Variants in AKAP6 observed in about 807,000 individuals in gnomAD.
AKAP6 encodes the protein A-kinase anchor protein 6.
Under a neutral mutation model 188.5 loss-of-function variants are expected in AKAP6, and 58 were observed. The observed-to-expected ratio is 0.31, with a 90% CI of 0.25 to 0.38. The LOEUF (loss-of-function observed/expected upper bound fraction) is 0.38, where lower values mean the gene tolerates loss of function less well. Ranked by LOEUF, AKAP6 falls within the 10% of genes least tolerant of loss-of-function variation. The pLI, the probability that AKAP6 is intolerant of heterozygous loss-of-function variation, is 1.00. For synonymous variants in AKAP6, 989 were observed against 998.6 expected (o/e 0.99, Z 0.18); for missense variants, 2,710 against 2,740.0 (o/e 0.99, Z 0.24).
chr14:32,361,064 A>G (rs993328064), intron 1 of AKAP6, among the ~76,000 whole-genome samples: 1 of 149,548 alleles, frequency 6.7e-6, no homozygotes, highest in African/African-American at 2.4e-5. Context: ...ATACATATAT[A>G]TATATATTTG....
At chr14:32,510,394 G>A (rs1405480187) in intron 2 of AKAP6, among the ~76,000 whole-genome samples, 18 of 63,294 alleles carry the variant, frequency 2.8e-4, no homozygotes, top group African/African-American at 8.6e-4. Flanking sequence ...ATATATATGT[G>A]TATATATATG....
chr14:32,616,711 G>A (rs930610488), intron 7 of AKAP6, among the ~76,000 whole-genome samples: 1 of 152,108 alleles, frequency 6.6e-6, no homozygotes. Flanking sequence ...AGGTTTACCT[G>A]TATAACAAAC....
chr14:32,574,093 A>T (rs1378696989), intron 4 of AKAP6, among the ~76,000 whole-genome samples: 1 of 152,164 alleles, frequency 6.6e-6, no homozygotes, highest in African/African-American at 2.4e-5. Flanking sequence ...CTACACATAG[A>T]AGCAGGAAGG....
chr14:32,590,467 TAAAC>T (rs907819205), intron 5 of AKAP6, among the ~76,000 whole-genome samples: 4 of 152,034 alleles, frequency 2.6e-5, no homozygotes, highest in African/African-American at 7.2e-5. Flanking sequence ...AAAACAAAAC[TAAAC>T]AAACAAACAA....
chr14:32,592,420 C>T (rs1409721293), intron 5 of AKAP6, among the ~76,000 whole-genome samples: 2 of 152,166 alleles, frequency 1.3e-5, no homozygotes, highest in Non-Finnish European at 2.9e-5. Flanking sequence ...GAGAAGGTCA[C>T]ACCTGAGATT....
At position 32,831,735 on chromosome 14, in the gene AKAP6, G is replaced by A. The variant is rs893720326; in HGVS notation, c.*1930G>A. 9.2e-5 allele frequency: 14 copies of A among 152,222 alleles called. No homozygotes were observed. The highest frequency in any genetic ancestry group is 8.5e-4 in the Admixed American group (13 of 15,270). 9.4% of individuals were successfully genotyped at this position (152,222 alleles called of 1,614,324 possible). A position where few individuals can be genotyped will look rare whatever the true frequency, so the allele number is the denominator to read the frequency against. ...ATGAGAGAAGCAGCAGTGGGTACAA[G>A]GAGGAAGAAAAAGGGCTTGCAGAGA... On this transcript the variant is annotated 3_prime_UTR_variant, in exon 14 of 14. Transcript: ENST00000280979.
chr14:32,362,336 A>G (rs1363736594), intron 1 of AKAP6, among the ~76,000 whole-genome samples: 1 of 152,190 alleles, frequency 6.6e-6, no homozygotes. Flanking sequence ...CAGTAAGTTT[A>G]CAGTACTGTT....
chr14:32,699,346 AG>A (rs1355401316), intron 9 of AKAP6, among the ~76,000 whole-genome samples: 2 of 152,248 alleles, frequency 1.3e-5, no homozygotes, highest in Non-Finnish European at 2.9e-5. Context: ...AAAATACACA[AG>A]GAATTTATAA....
chr14:32,523,924 G>GATTGCTTC (rs1469593650), intron 2 of AKAP6, among the ~76,000 whole-genome samples: 1 of 152,116 alleles, frequency 6.6e-6, no homozygotes, highest in Non-Finnish European at 1.5e-5. Context: ...TGGCAGGCTG[G>GATTGCTTC]ATTGCTTCAT....
chr14:32,426,124 G>A (rs1405302828), intron 1 of AKAP6, among the ~76,000 whole-genome samples: 1 of 152,094 alleles, frequency 6.6e-6, no homozygotes, highest in Non-Finnish European at 1.5e-5. Flanking sequence ...ATTTTTATAA[G>A]CCATCTGAAA....
intron 1 of AKAP6, among the ~76,000 whole-genome samples, chr14:32,410,650 T>G (rs569692947): frequency 6.6e-6 from 1 of 152,298 alleles, no homozygotes; most frequent in South Asian, 2.1e-4. Context: ...GACTTTTTTT[T>G]AAAGATTATT....
At position 32,531,109 on chromosome 14, in the gene AKAP6, T is replaced by C. The variant is rs370941375; in HGVS notation, c.325-4445T>C. ...GGTAACATAATGTATTCAATACATTTTGGTCTGTGAGTACTGCATGCCATG... is the reference window on the plus strand; with the variant it reads ...GGTAACATAATGTATTCAATACATTCTGGTCTGTGAGTACTGCATGCCATG... On this transcript the variant is annotated intron_variant, in intron 2 of 13. Coordinates refer to ENST00000280979, the MANE Select transcript of AKAP6 (RefSeq NM_004274.5). Among the ~76,000 whole-genome samples the C allele has an allele frequency of 4.8e-3, 734 of 152,290 alleles. 4 individuals are homozygous for C. The highest frequency in any genetic ancestry group is 0.013 in the East Asian group (68 of 5,180).
At chr14:32,653,171 C>T (rs1378033975) in intron 7 of AKAP6, among the ~76,000 whole-genome samples, 2 of 152,236 alleles carry the variant, frequency 1.3e-5, no homozygotes, top group East Asian at 3.9e-4. Flanking sequence ...ATATGTTTGG[C>T]CTCGAGTTAG....
intron 4 of AKAP6, among the ~76,000 whole-genome samples, chr14:32,556,271 C>T (rs769509667): frequency 2.6e-5 from 4 of 152,128 alleles, no homozygotes; most frequent in Non-Finnish European, 5.9e-5. Context: ...AGAAATGTCA[C>T]ATCCATTACC....
chr14:32,813,448 C>G (rs80107689), intron 12 of AKAP6, among the ~76,000 whole-genome samples: 215 of 146,042 alleles, frequency 1.5e-3, no homozygotes, highest in Admixed American at 2.6e-3. Flanking sequence ...TTCCAGCCCT[C>G]TAATCACTTG....
intron 2 of AKAP6, among the ~76,000 whole-genome samples, chr14:32,437,764 T>C (rs571530093): frequency 6.6e-6 from 1 of 152,162 alleles, no homozygotes; most frequent in African/African-American, 2.4e-5. Context: ...GCCCAGCTAA[T>C]GTTTGTATTT....
intron 2 of AKAP6, among the ~76,000 whole-genome samples, chr14:32,436,112 G>A (rs1264420983): frequency 2.0e-5 from 3 of 152,226 alleles, no homozygotes; most frequent in Admixed American, 6.5e-5. Context: ...GGCAGGCCCA[G>A]ACTGGGGATG....
chr14:32,538,619 A>G (rs983664416), intron 3 of AKAP6, among the ~76,000 whole-genome samples: 1 of 152,336 alleles, frequency 6.6e-6, no homozygotes, highest in South Asian at 2.1e-4. Flanking sequence ...AAACAAATAA[A>G]GAACACTTGA....
chr14:32,511,226 A>C (rs1594693957), intron 2 of AKAP6, among the ~76,000 whole-genome samples: 1 of 152,204 alleles, frequency 6.6e-6, no homozygotes, highest in African/African-American at 2.4e-5. Flanking sequence ...ACCTCTGTAC[A>C]TCTAGCTTTC....
Sources: allele counts gnomAD v4.1 joint callset (sites outside exome capture counted in the v4.1 genomes callset), GRCh38; gene constraint gnomAD v4.1.1; transcripts MANE v1.5; gene names NCBI Gene and HGNC (gene_info 2026-07-23, HGNC 2026-07-21).